Variants in SLC9A9 observed in about 807,000 individuals in gnomAD.
SLC9A9 encodes the protein solute carrier family 9 member A9.
A neutral mutation model predicts 77.8 loss-of-function variants in SLC9A9; 62 were observed. The observed-to-expected ratio is 0.80, with a 90% confidence interval of 0.65 to 0.98. The LOEUF is 0.98. SLC9A9 is among the 50% of genes least tolerant of loss of function. The pLI is 0.00. For synonymous variants in SLC9A9, 320 were observed against 283.5 expected, an observed-to-expected ratio of 1.13 and a Z score of -1.29; for missense variants, 775 against 774.9, an observed-to-expected ratio of 1.00 and a Z score of 0.00.
chr3:143,732,678 TAGAGTCCATCTAAATACTTTATTAAC>T lies in SLC9A9; in HGVS notation c.534-39397_534-39372del, dbSNP rs560422161. Among the ~76,000 whole-genome samples, 528 of 152,336 alleles carry T rather than the reference TAGAGTCCATCTAAATACTTTATTAAC, an allele frequency of 3.5e-3. 5 individuals are homozygous for T. The highest frequency in any genetic ancestry group is 0.012 in the African/African-American group (497 of 41,570). On this transcript the variant is annotated intron_variant, in intron 4 of 15. Coordinates refer to ENST00000316549, the MANE Select transcript of SLC9A9 (RefSeq NM_173653.4). ...TACAATAGACAAATCCACCCTTCAG[TAGAGTCCATCTAAATACTTTATTAAC>T]CTCCTTCCCAGCCACACCTCCTGGG...
At chr3:143,739,804 C>T (rs1935034492) in intron 4 of SLC9A9, among the ~76,000 whole-genome samples, 1 of 152,178 alleles carries the variant, frequency 6.6e-6, no homozygotes, top group South Asian at 2.1e-4. Context: ...TCAGTATCTC[C>T]TGGGAATTTG....
chr3:143,492,270 C>A (rs1360788640), intron 11 of SLC9A9, among the ~76,000 whole-genome samples: 2 of 141,772 alleles, frequency 1.4e-5, no homozygotes, highest in African/African-American at 5.3e-5. Context: ...CCAGCCTGGG[C>A]GACAGAGCGA....
At chr3:143,791,106 A>T (rs2008203967) in intron 4 of SLC9A9, among the ~76,000 whole-genome samples, 1 of 152,218 alleles carries the variant, frequency 6.6e-6, no homozygotes, top group Non-Finnish European at 1.5e-5. Context: ...TATTTCAAAC[A>T]CATGGACTTT....
chr3:143,269,151 A>T (rs1937825573), intron 14 of SLC9A9, among the ~76,000 whole-genome samples, 171 bp from the exon 15 acceptor site: 1 of 152,230 alleles, frequency 6.6e-6, no homozygotes, highest in Non-Finnish European at 1.5e-5. Flanking sequence ...TTTGTTACAC[A>T]TACTTTTCCA....
intron 14 of SLC9A9, among the ~76,000 whole-genome samples, chr3:143,345,144 A>G (rs975500759): frequency 6.6e-6 from 1 of 152,244 alleles, no homozygotes; most frequent in Admixed American, 6.5e-5. Flanking sequence ...AAGAGGAAAT[A>G]TCAAATAAGT....
rs1387884135 is a variant in SLC9A9 at position 143,368,338 on chromosome 3, G to C, written c.1525-4775C>G. Among the ~76,000 whole-genome samples the C allele has an allele frequency of 3.3e-5, 5 of 152,168 alleles. No homozygotes were observed. The East Asian group carries it at 9.6e-4, about 29-fold the overall frequency. ...CAAAAGGTTCTGGCAAGAAATCTGT[G>C]AAAAACAGACACCAAAGCAAGAAGG... On this transcript the variant is annotated intron_variant, in intron 13 of 15. Transcript: ENST00000316549.
At chr3:143,463,555 T>C (rs1390037808) in intron 12 of SLC9A9, among the ~76,000 whole-genome samples, 4 of 152,224 alleles carry the variant, frequency 2.6e-5, no homozygotes, top group African/African-American at 7.2e-5. Context: ...GAGACTCCTG[T>C]TGGGTTTTCC....
In SLC9A9 at chr3:143,268,980, C is replaced by A; in HGVS notation, c.1605G>T (p.Lys535Asn). Residue 535 changes from lysine to asparagine, a missense_variant and splice_region_variant, in exon 15 of 16, where the codon AAG (lysine) becomes AAT (asparagine). By Grantham distance (94) the Lys-to-Asn change is moderately conservative (BLOSUM62 0). Coordinates refer to ENST00000316549, the MANE Select transcript of SLC9A9 (RefSeq NM_173653.4). The part of the protein sequence containing the change: ...LFRMWYSFDH[K>N]YLKPILTHSG... Reference sequence around the variant, plus strand: ...AGTGGGTTAAAATTGGTTTCAGATACCTGGGAGGCCTGTTAAGGAATACTT... The same window carrying A: ...AGTGGGTTAAAATTGGTTTCAGATAACTGGGAGGCCTGTTAAGGAATACTT... The A allele has an allele frequency of 6.2e-7, 1 of 1,602,632 alleles. No individual in the cohort carries two copies. Among genetic ancestry groups the A allele is most frequent in the Non-Finnish European group, 8.5e-7 (1 of 1,169,852 alleles).
At chr3:143,402,962 C>T (rs2033897836) in intron 12 of SLC9A9, among the ~76,000 whole-genome samples, 1 of 141,778 alleles carries the variant, frequency 7.1e-6, no homozygotes, top group South Asian at 2.4e-4. Flanking sequence ...CAATATACAT[C>T]TCAACTTCTT....
intron 13 of SLC9A9, among the ~76,000 whole-genome samples, chr3:143,375,959 A>G (rs994570929): frequency 1.3e-5 from 2 of 152,076 alleles, no homozygotes; most frequent in Admixed American, 6.6e-5. Context: ...CTTCCTTTAG[A>G]CATCTGCATG....
At chr3:143,524,071 G>A (rs1182474833) in intron 9 of SLC9A9, among the ~76,000 whole-genome samples, 1 of 152,048 alleles carries the variant, frequency 6.6e-6, no homozygotes, top group Non-Finnish European at 1.5e-5. Context: ...AGACCAGAAT[G>A]TAGAAGGAAG....
At chr3:143,505,235 A>C (rs2035992029) in intron 9 of SLC9A9, among the ~76,000 whole-genome samples, 1 of 152,152 alleles carries the variant, frequency 6.6e-6, no homozygotes, top group East Asian at 1.9e-4. Context: ...CCCTGCCCCC[A>C]AAAAGCAAAA....
At chr3:143,731,024 A>G (rs1358141484) in intron 4 of SLC9A9, among the ~76,000 whole-genome samples, 4 of 152,184 alleles carry the variant, frequency 2.6e-5, no homozygotes, top group East Asian at 3.9e-4. Context: ...TGTTCCAGCC[A>G]CTACACAGAG....
chr3:143,627,507 A>ACAG, intron 6 of SLC9A9: 1 of 275,122 alleles, frequency 3.6e-6, no homozygotes, highest in South Asian at 4.7e-5. Flanking sequence ...CAGCACAGAC[A>ACAG]CAGTATGCCA....
intron 12 of SLC9A9, among the ~76,000 whole-genome samples, chr3:143,393,170 T>C (rs933264741): frequency 6.6e-6 from 1 of 152,302 alleles, no homozygotes; most frequent in Non-Finnish European, 1.5e-5. Flanking sequence ...ACCACACCTA[T>C]TCCAAAATTG....
chr3:143,623,924 A>T (rs189068378), intron 6 of SLC9A9, among the ~76,000 whole-genome samples: 2,076 of 152,280 alleles, frequency 0.014, 42 homozygotes, highest in African/African-American at 0.047. Flanking sequence ...AAAAAATGAT[A>T]AAGGGGATAC....
intron 4 of SLC9A9, among the ~76,000 whole-genome samples, chr3:143,708,191 C>T (rs1157611001): frequency 6.6e-6 from 1 of 152,142 alleles, no homozygotes; most frequent in Non-Finnish European, 1.5e-5. Context: ...GACTCGGCAT[C>T]CTGATTGTGT....
intron 4 of SLC9A9, among the ~76,000 whole-genome samples, chr3:143,711,766 C>T (rs1303983288): frequency 6.6e-6 from 1 of 151,992 alleles, no homozygotes; most frequent in African/African-American, 2.4e-5. Flanking sequence ...AGATCCTGAG[C>T]TTTGAGATCA....
chr3:143,345,320 A>G (rs1429517688), intron 14 of SLC9A9, among the ~76,000 whole-genome samples: 2 of 152,192 alleles, frequency 1.3e-5, no homozygotes, highest in Non-Finnish European at 2.9e-5. Flanking sequence ...GAAAAGAAAG[A>G]TGAACCTGAA....
Sources: allele counts gnomAD v4.1 joint callset (sites outside exome capture counted in the v4.1 genomes callset), GRCh38; gene constraint gnomAD v4.1.1; transcripts MANE v1.5; gene names NCBI Gene and HGNC (gene_info 2026-07-23, HGNC 2026-07-21).